The following PCDH15 variants were observed in gnomAD, a reference collection of about 807,000 sequenced individuals.
PCDH15 encodes the protein protocadherin-15.
A neutral mutation model predicts 178.5 loss-of-function variants in PCDH15; 129 were observed. That is an observed-to-expected ratio of 0.72 (90% confidence interval 0.63 to 0.84). The LOEUF (loss-of-function observed/expected upper bound fraction) is 0.84, where lower values mean the gene tolerates loss of function less well. Among genes scored for constraint, PCDH15 ranks in the 40% least tolerant of loss-of-function variants. PCDH15 has a pLI of 0.00. For missense variants in PCDH15, 2,230 were observed against 2,099.9 expected, an observed-to-expected ratio of 1.06 and a Z score of -1.21; for synonymous variants, 800 against 732.0, an observed-to-expected ratio of 1.09 and a Z score of -1.50.
chr10:55,585,539 T>C (rs1370176969), intron 2 of PCDH15, among the ~76,000 whole-genome samples: 1 of 151,938 alleles, frequency 6.6e-6, no homozygotes, highest in African/African-American at 2.4e-5. Context: ...TAGTGGGGCA[T>C]GGTGGCGGGC....
In PCDH15 at chr10:54,168,519, C is replaced by T. The variant is rs373364023; in HGVS notation, c.1590+14925G>A. Among the ~76,000 whole-genome samples the T allele has an allele frequency of 2.0e-4, 30 of 152,318 alleles. No homozygotes were observed. The South Asian group carries it at 5.6e-3, about 28-fold the overall frequency. On this transcript the variant is annotated intron_variant, in intron 13 of 37. Coordinates refer to ENST00000644397, the MANE Select transcript of PCDH15 (RefSeq NM_001384140.1). Reference sequence around the variant, plus strand: ...TAATCTTTTTATCGCCTCCCCTCCTCACACCTGGTCGGGCTTACAGTTTCG... The same window carrying T: ...TAATCTTTTTATCGCCTCCCCTCCTTACACCTGGTCGGGCTTACAGTTTCG...
intron 2 of PCDH15, among the ~76,000 whole-genome samples, chr10:55,439,624 A>G (rs1235418677): frequency 2.0e-5 from 3 of 152,148 alleles, no homozygotes; most frequent in South Asian, 2.1e-4. Context: ...GAAAACCGCA[A>G]TTACTTTTGC....
In PCDH15 at chr10:53,888,282, C is replaced by CTATA. The variant is rs201647527; in HGVS notation, c.3501+14957_3501+14960dup. On this transcript the variant is annotated intron_variant, in intron 26 of 37. Transcript: ENST00000644397. ...TTGGATACAAATAAACATTCCAACA[C>CTATA]TATATATACATATATATATATATAT... Among the ~76,000 whole-genome samples the CTATA allele has an allele frequency of 9.4e-4, 90 of 95,396 alleles. 8 individuals carry two copies. The highest frequency in any genetic ancestry group is 5.4e-3 in the African/African-American group (85 of 15,688). The allele number at this position is 95,396 out of a possible 152,430, so 62.6% of individuals were successfully genotyped here. A position where few individuals can be genotyped will look rare whatever the true frequency, so the allele number is the denominator to read the frequency against.
At chr10:55,446,647 G>A (rs547814663) in intron 2 of PCDH15, among the ~76,000 whole-genome samples, 5 of 152,192 alleles carry the variant, frequency 3.3e-5, no homozygotes, top group South Asian at 2.1e-4. Context: ...GGTGGAATAT[G>A]TTTCTTTTCT....
intron 2 of PCDH15, among the ~76,000 whole-genome samples, chr10:55,533,381 G>A: frequency 6.6e-6 from 1 of 151,956 alleles, no homozygotes; most frequent in East Asian, 1.9e-4. Context: ...TTTTAGTAAG[G>A]TTTCAGGATA....
chr10:54,172,438 CG>C (rs1430116232), intron 13 of PCDH15, among the ~76,000 whole-genome samples: 1 of 152,062 alleles, frequency 6.6e-6, no homozygotes, highest in Non-Finnish European at 1.5e-5. Flanking sequence ...CGCCTGCACC[CG>C]GGTGAAATAA....
At chr10:55,014,439 T>C (rs1840120996) in intron 2 of PCDH15, among the ~76,000 whole-genome samples, 1 of 152,174 alleles carries the variant, frequency 6.6e-6, no homozygotes, top group East Asian at 1.9e-4. Context: ...AAATGGCAAG[T>C]TCTGCTCTTA....
chr10:53,834,189 G>A (rs535300423), intron 29 of PCDH15, among the ~76,000 whole-genome samples: 5 of 152,258 alleles, frequency 3.3e-5, no homozygotes, highest in South Asian at 2.1e-4. Context: ...GACTACCACC[G>A]TGTAGGAAAG....
chr10:54,598,600 A>G (rs1163697754), intron 2 of PCDH15, among the ~76,000 whole-genome samples: 1 of 152,184 alleles, frequency 6.6e-6, no homozygotes, highest in Non-Finnish European at 1.5e-5. Flanking sequence ...TTTCTATTCA[A>G]CACAGTATTG....
At chr10:54,639,832 C>T (rs1359494737) in intron 2 of PCDH15, among the ~76,000 whole-genome samples, 1 of 152,144 alleles carries the variant, frequency 6.6e-6, no homozygotes, top group African/African-American at 2.4e-5. Flanking sequence ...TTAACCCTGT[C>T]ACCTGAAACT....
intron 1 of PCDH15, among the ~76,000 whole-genome samples, chr10:55,190,572 T>A (rs1839921445): frequency 1.3e-5 from 2 of 151,670 alleles, no homozygotes; most frequent in Non-Finnish European, 1.5e-5. Context: ...AAAGTGAACA[T>A]AAACTGGTCA....
rs75684675 is a variant in PCDH15 at position 55,289,734 on chromosome 10, A to G, written c.-156+29865T>C. 7.4e-3 allele frequency among the ~76,000 whole-genome samples: 1,133 copies of G among 152,172 alleles called. 15 individuals carry two copies. The highest frequency in any genetic ancestry group is 0.026 in the African/African-American group (1,061 of 41,540). On this transcript the variant is annotated intron_variant, in intron 1 of 5. Coordinates refer to the PCDH15 transcript ENST00000458638. ...GTTTGAATGTATCCCCCAACAGTTC[A>G]TGTGTTGGAAACTTAATCACTATTG...
At chr10:54,001,663 C>A (rs2092141699) in intron 20 of PCDH15, among the ~76,000 whole-genome samples, 1 of 151,892 alleles carries the variant, frequency 6.6e-6, no homozygotes, top group Admixed American at 6.6e-5. Flanking sequence ...AGAAAGAAGA[C>A]AAACCATAAG....
intron 3 of PCDH15, among the ~76,000 whole-genome samples, chr10:54,521,004 T>C (rs931278212): frequency 2.2e-5 from 3 of 139,186 alleles, no homozygotes; most frequent in Admixed American, 8.1e-5. Flanking sequence ...TAGGTGGGAA[T>C]TGAACAATGA....
At chr10:55,061,396 A>C (rs1208912428) in intron 2 of PCDH15, among the ~76,000 whole-genome samples, 2 of 152,156 alleles carry the variant, frequency 1.3e-5, no homozygotes, top group African/African-American at 4.8e-5. Flanking sequence ...AAAACCCAGA[A>C]CATTGATTAT....
At chr10:55,351,528 G>A (rs772692817) in intron 2 of PCDH15, among the ~76,000 whole-genome samples, 5 of 152,108 alleles carry the variant, frequency 3.3e-5, no homozygotes, top group Middle Eastern at 3.4e-3. Flanking sequence ...ACAGTAATCC[G>A]CTTTTTCACT....
At chr10:53,850,773 C>A (rs763569599) in intron 28 of PCDH15, among the ~76,000 whole-genome samples, 81 of 152,178 alleles carry the variant, frequency 5.3e-4, no homozygotes, top group Non-Finnish European at 7.4e-4. Context: ...CATGGCAATT[C>A]TCTGTTGATA....
At chr10:55,243,663 G>T (rs778430256) in intron 1 of PCDH15, among the ~76,000 whole-genome samples, 1 of 152,132 alleles carries the variant, frequency 6.6e-6, no homozygotes, top group African/African-American at 2.4e-5. Context: ...CAAAATAAAT[G>T]TTAAAAATGA....
chr10:54,756,016 C>A (rs1166951015), intron 1 of PCDH15, among the ~76,000 whole-genome samples: 1 of 150,090 alleles, frequency 6.7e-6, no homozygotes, highest in Non-Finnish European at 1.5e-5. Context: ...GAGTTCAAGA[C>A]CAGCCTGACC....
Sources: allele counts gnomAD v4.1 joint callset (sites outside exome capture counted in the v4.1 genomes callset), GRCh38; gene constraint gnomAD v4.1.1; transcripts MANE v1.5; gene names NCBI Gene and HGNC (gene_info 2026-07-23, HGNC 2026-07-21).